Variants in DIAPH3 observed in about 807,000 individuals in gnomAD.
DIAPH3 encodes the protein diaphanous related formin 3, also known as protein diaphanous homolog 3.
A neutral mutation model predicts 144.3 loss-of-function variants in DIAPH3; 117 were observed. The ratio of observed to expected loss-of-function variants is 0.81; its 90% CI spans 0.70 to 0.95. The LOEUF (loss-of-function observed/expected upper bound fraction) is 0.95, where lower values mean the gene tolerates loss of function less well. Ranked by LOEUF, DIAPH3 falls within the 40% of genes least tolerant of loss-of-function variation. DIAPH3 has a pLI of 0.00. For synonymous variants in DIAPH3, 519 were observed against 488.9 expected (o/e 1.06, Z -0.81); for missense variants, 1,421 against 1,412.7 (o/e 1.01, Z -0.09).
At chr13:60,133,054 G>A in intron 1 of DIAPH3, 65 bp from the exon 2 acceptor site, 14 of 1,153,970 alleles carry the variant, frequency 1.2e-5, no homozygotes, top group South Asian at 4.0e-5. Flanking sequence ...TAGTTAATAG[G>A]GTACATTCAA....
chr13:60,015,120 T>C (rs1281891693), intron 7 of DIAPH3, among the ~76,000 whole-genome samples: 2 of 152,094 alleles, frequency 1.3e-5, no homozygotes, highest in African/African-American at 2.4e-5. Context: ...CTCAGCCTCC[T>C]GAGTAGCTGG....
At chr13:59,687,667 A>G (rs999259309) in intron 27 of DIAPH3, among the ~76,000 whole-genome samples, 4 of 152,094 alleles carry the variant, frequency 2.6e-5, no homozygotes, top group African/African-American at 9.7e-5. Flanking sequence ...TAAATTTTAA[A>G]CAATTATAAC....
chr13:60,163,438 C>A, intron 1 of DIAPH3, 149 bp downstream of exon 1: 1 of 1,142,270 alleles, frequency 8.8e-7, no homozygotes, highest in East Asian at 2.5e-5. Context: ...CCAACTACAA[C>A]TAGACCCGGT....
intron 25 of DIAPH3, among the ~76,000 whole-genome samples, chr13:59,799,632 T>C (rs1425028155): frequency 6.6e-6 from 1 of 152,220 alleles, no homozygotes; most frequent in Non-Finnish European, 1.5e-5. Context: ...ATCTATTTTA[T>C]GGGGTCTGCA....
Position 60,163,896 on chromosome 13 carries a change from A to G in DIAPH3, c.-130T>C, listed in dbSNP as rs2138511361. 1.7e-6 allele frequency: 2 copies of G among 1,202,278 alleles called. No homozygotes were observed. Among genetic ancestry groups the G allele is most frequent in the Non-Finnish European group, 2.3e-6 (2 of 882,500 alleles). The allele number at this position is 1,202,278 out of a possible 1,614,324, so 74.5% of individuals were successfully genotyped here. A position where few individuals can be genotyped will look rare whatever the true frequency, so the allele number is the denominator to read the frequency against. On this transcript the variant is annotated 5_prime_UTR_variant, in exon 1 of 28. Coordinates refer to ENST00000400324, the MANE Select transcript of DIAPH3 (RefSeq NM_001042517.2). ...CAAACAGTCAGCACAGCCTAGCCCA[A>G]CCGCTGAAGTCGGGGCCGCAGCCAA...
At chr13:59,730,155 A>G (rs920171747) in intron 27 of DIAPH3, among the ~76,000 whole-genome samples, 2 of 152,208 alleles carry the variant, frequency 1.3e-5, no homozygotes, top group Non-Finnish European at 2.9e-5. Flanking sequence ...TGATTTTTCT[A>G]TGAGAAATAG....
intron 4 of DIAPH3, among the ~76,000 whole-genome samples, chr13:60,063,277 G>A (rs915056565): frequency 3.9e-5 from 6 of 152,176 alleles, no homozygotes; most frequent in African/African-American, 1.4e-4. Flanking sequence ...TAACATTGCA[G>A]AAATTGTCAC....
intron 1 of DIAPH3, among the ~76,000 whole-genome samples, chr13:60,147,936 T>G (rs1951607709): frequency 1.2e-5 from 1 of 81,472 alleles, no homozygotes; most frequent in Non-Finnish European, 2.7e-5. Flanking sequence ...GGAAATCAGT[T>G]AGGAAGCTAT....
intron 4 of DIAPH3, among the ~76,000 whole-genome samples, chr13:60,058,786 G>A (rs2056653834): frequency 6.6e-6 from 1 of 151,978 alleles, no homozygotes; most frequent in African/African-American, 2.4e-5. Context: ...ATGATTCTAT[G>A]TAAGTAACTC....
chr13:59,936,234 G>T (rs938754112), intron 17 of DIAPH3, among the ~76,000 whole-genome samples: 13 of 152,068 alleles, frequency 8.5e-5, no homozygotes, highest in Admixed American at 6.6e-5. Context: ...CCTAAAGAAT[G>T]CTTCCCCTAC....
intron 8 of DIAPH3, 97 bp from the exon 9 acceptor site, chr13:60,008,746 G>A: frequency 1.3e-6 from 1 of 786,344 alleles, no homozygotes; most frequent in Non-Finnish European, 2.3e-6. Flanking sequence ...ACCCTAAGCA[G>A]CCAATATATT....
chr13:60,137,160 C>T (rs1188249503), intron 1 of DIAPH3, among the ~76,000 whole-genome samples: 1 of 151,992 alleles, frequency 6.6e-6, no homozygotes, highest in African/African-American at 2.4e-5. Context: ...AATGACAGTT[C>T]CTAGGATGAA....
rs755307223 is a variant in DIAPH3, at chr13:60,163,741, T to G, written c.26A>C (p.His9Pro). 2 of 1,602,284 alleles carry G rather than the reference T, an allele frequency of 1.2e-6. No homozygotes were observed. Among genetic ancestry groups the G allele is most frequent in the East Asian group, 2.2e-5 (1 of 44,446 alleles). The change falls in exon 1 of 28, where the codon CAC becomes CCC. Residue 9 changes from histidine (H) to proline (P), a missense_variant. Physicochemically the swap from His to Pro is moderately conservative, Grantham distance 77 (BLOSUM62 -2). Coordinates refer to ENST00000400324, the MANE Select transcript of DIAPH3 (RefSeq NM_001042517.2). ...AGCGGCTGAGCCTTGGGCCGGGTGG[T>G]GCAGCCGCGGCTGGTGCCGTTCCAT... MERHQPRL[H>P]HPAQGSAAGT...
intron 27 of DIAPH3, among the ~76,000 whole-genome samples, chr13:59,754,085 C>A (rs925481389): frequency 6.6e-6 from 1 of 152,166 alleles, no homozygotes; most frequent in Non-Finnish European, 1.5e-5. Flanking sequence ...CCCATCTAAT[C>A]TGTCACAAAA....
intron 17 of DIAPH3, among the ~76,000 whole-genome samples, chr13:59,945,790 G>A (rs2048765870): frequency 6.6e-6 from 1 of 152,150 alleles, no homozygotes; most frequent in Non-Finnish European, 1.5e-5. Flanking sequence ...AGAGGTACAG[G>A]TGAGTATTTC....
At chr13:60,074,907 A>G (rs1221934850) in intron 4 of DIAPH3, among the ~76,000 whole-genome samples, 2 of 152,144 alleles carry the variant, frequency 1.3e-5, no homozygotes, top group East Asian at 3.9e-4. Flanking sequence ...TTGGTTTTAA[A>G]TTTCCTGACA....
At chr13:59,715,763 A>G (rs1297749898) in intron 27 of DIAPH3, among the ~76,000 whole-genome samples, 1 of 152,232 alleles carries the variant, frequency 6.6e-6, no homozygotes, top group African/African-American at 2.4e-5. Context: ...CAGGGCACAC[A>G]ATCTTGCTGA....
intron 20 of DIAPH3, among the ~76,000 whole-genome samples, chr13:59,898,134 C>CAAAAAAAAAAAAA (rs34238599): frequency 3.0e-3 from 214 of 72,082 alleles, no homozygotes; most frequent in Non-Finnish European, 3.3e-3. Context: ...GACTCTGCCT[C>CAAAAAAAAAAAAA]AAAAAAAAAA....
chr13:59,703,981 G>T (rs342595), intron 27 of DIAPH3, among the ~76,000 whole-genome samples: 86,779 of 152,012 alleles, frequency 0.57, 25,674 homozygotes, highest in East Asian at 0.68. Context: ...AGGCTAAGTT[G>T]CAGTTTTAGC....
Sources: allele counts gnomAD v4.1 joint callset (sites outside exome capture counted in the v4.1 genomes callset), GRCh38; gene constraint gnomAD v4.1.1; transcripts MANE v1.5; gene names NCBI Gene and HGNC (gene_info 2026-07-23, HGNC 2026-07-21).